LPP: variants seen among roughly 807,000 people sequenced by gnomAD.
LPP encodes the protein LIM domain containing preferred translocation partner in lipoma.
Under a neutral mutation model 60.4 loss-of-function variants are expected in LPP, and 38 were observed. The observed-to-expected ratio is 0.63, with a 90% confidence interval of 0.49 to 0.83. The LOEUF (loss-of-function observed/expected upper bound fraction) is 0.83. Ranked by LOEUF, LPP falls within the 40% of genes least tolerant of loss-of-function variation. The pLI, the probability that LPP is intolerant of heterozygous loss-of-function variation, is 0.00. For synonymous variants in LPP, 328 were observed against 290.8 expected (o/e 1.13, Z -1.30); for missense variants, 902 against 783.6 (o/e 1.15, Z -1.80).
rs200930366 is a variant in LPP at position 188,498,349 on chromosome 3, C to T, written c.306+13645C>T. Among the ~76,000 whole-genome samples, 22 of 152,228 alleles carry T rather than the reference C, an allele frequency of 1.4e-4. No individual in the cohort carries two copies. The East Asian group carries it at 2.3e-3, about 16-fold the overall frequency. ...CCTCTATACCGCTTCACCAATAACC[C>T]CCCATTCCACTCTCAGCCAGCCCCT... On this transcript the variant is annotated intron_variant, in intron 5 of 11. Transcript: ENST00000617246.
At chr3:188,800,411 AATTTTTTGTATTTTT>A (rs1746773612) in intron 9 of LPP, among the ~76,000 whole-genome samples, 1 of 151,680 alleles carries the variant, frequency 6.6e-6, no homozygotes, top group Non-Finnish European at 1.5e-5. Flanking sequence ...ACGCCCGGCT[AATTTTTTGTATTTTT>A]AGTAGAGGTG....
chr3:188,624,699 C>G (rs1358475993), intron 7 of LPP, among the ~76,000 whole-genome samples: 2 of 139,376 alleles, frequency 1.4e-5, no homozygotes, highest in Non-Finnish European at 3.1e-5. Context: ...CCCTTCCCTT[C>G]CTTCCTTTTC....
intron 2 of LPP, among the ~76,000 whole-genome samples, chr3:188,284,901 C>T (rs1743388865): frequency 6.6e-6 from 1 of 152,104 alleles, no homozygotes; most frequent in African/African-American, 2.4e-5. Context: ...AATTATTCCT[C>T]GAAGTATGAC....
chr3:188,350,208 C>A (rs1047074109), intron 3 of LPP, among the ~76,000 whole-genome samples: 9 of 152,040 alleles, frequency 5.9e-5, no homozygotes, highest in African/African-American at 2.2e-4. Context: ...AGGGAGCTGG[C>A]GGGTCTGTGG....
intron 6 of LPP, among the ~76,000 whole-genome samples, chr3:188,592,557 G>GTTTGTTTTTTTTTTTT (rs1260656926): frequency 4.2e-4 from 36 of 85,718 alleles, no homozygotes; most frequent in South Asian, 1.2e-3. Flanking sequence ...TTTTGTTTTT[G>GTTTGTTTTTTTTTTTT]TTTTTTAAAT....
At chr3:188,388,842 T>C (rs1268866247) in intron 3 of LPP, among the ~76,000 whole-genome samples, 2 of 152,206 alleles carry the variant, frequency 1.3e-5, no homozygotes, top group Non-Finnish European at 2.9e-5. Flanking sequence ...AGTAAATATT[T>C]TAGGCTTTGT....
chr3:188,303,233 A>G (rs1750492644), intron 2 of LPP, among the ~76,000 whole-genome samples: 1 of 152,172 alleles, frequency 6.6e-6, no homozygotes, highest in Non-Finnish European at 1.5e-5. Flanking sequence ...ATACATAAAT[A>G]ATTGCGTGTG....
At chr3:188,296,200 G>T (rs1747823148) in intron 2 of LPP, among the ~76,000 whole-genome samples, 1 of 152,194 alleles carries the variant, frequency 6.6e-6, no homozygotes, top group African/African-American at 2.4e-5. Flanking sequence ...GGAGGATTTG[G>T]AGATAAATGA....
intron 6 of LPP, among the ~76,000 whole-genome samples, chr3:188,530,001 C>T (rs1029346311): frequency 6.6e-6 from 1 of 152,142 alleles, no homozygotes; most frequent in Non-Finnish European, 1.5e-5. Flanking sequence ...AGTATTTGAG[C>T]TAACTTGGCT....
At chr3:188,287,650 G>T (rs116072177) in intron 2 of LPP, among the ~76,000 whole-genome samples, 2 of 152,110 alleles carry the variant, frequency 1.3e-5, no homozygotes, top group African/African-American at 4.8e-5. Flanking sequence ...AGGAAAAAAA[G>T]AAGCATTTTA....
chr3:188,250,050 C>T (rs577428395), intron 2 of LPP, among the ~76,000 whole-genome samples: 1 of 152,084 alleles, frequency 6.6e-6, no homozygotes, highest in Non-Finnish European at 1.5e-5. Flanking sequence ...ACATTTGACA[C>T]TGATTCAATA....
intron 4 of LPP, among the ~76,000 whole-genome samples, chr3:188,445,011 A>T (rs935843076): frequency 6.6e-6 from 1 of 152,186 alleles, no homozygotes; most frequent in Non-Finnish European, 1.5e-5. Flanking sequence ...GGATGTGGAG[A>T]AATAAGAATG....
At chr3:188,360,857 G>A (rs566647638) in intron 3 of LPP, among the ~76,000 whole-genome samples, 109 of 152,296 alleles carry the variant, frequency 7.2e-4, no homozygotes, top group African/African-American at 2.4e-3. Flanking sequence ...ATGGACTGGA[G>A]TTTCCTTGTC....
At chr3:188,399,534 C>CT in intron 3 of LPP, among the ~76,000 whole-genome samples, 1 of 152,280 alleles carries the variant, frequency 6.6e-6, no homozygotes, top group South Asian at 2.1e-4. Context: ...ATCTACGTCC[C>CT]TTTTCTAATA....
At chr3:188,865,647 A>G (rs1159745314) in intron 9 of LPP, among the ~76,000 whole-genome samples, 1 of 151,778 alleles carries the variant, frequency 6.6e-6, no homozygotes, top group African/African-American at 2.4e-5. Context: ...AAGGGTCAAC[A>G]AACTATGCCC....
intron 2 of LPP, among the ~76,000 whole-genome samples, chr3:188,269,901 G>A (rs1737105906): frequency 6.6e-6 from 1 of 152,112 alleles, no homozygotes; most frequent in Non-Finnish European, 1.5e-5. Context: ...ACCCACCTTG[G>A]CCTCCCAAAG....
intron 6 of LPP, among the ~76,000 whole-genome samples, chr3:188,589,920 T>C (rs1838304517): frequency 6.6e-6 from 1 of 152,244 alleles, no homozygotes; most frequent in Non-Finnish European, 1.5e-5. Flanking sequence ...CAGTTTTGCC[T>C]GATTTTTGTT....
At chr3:188,348,780 C>T (rs34144064) in intron 3 of LPP, among the ~76,000 whole-genome samples, 8 of 152,164 alleles carry the variant, frequency 5.3e-5, no homozygotes, top group Non-Finnish European at 1.0e-4. Context: ...ACATTCACTT[C>T]GGCCCTCGCC....
intron 8 of LPP, among the ~76,000 whole-genome samples, chr3:188,746,833 T>A (rs183310572): frequency 7.2e-4 from 109 of 152,304 alleles, no homozygotes; most frequent in Admixed American, 5.4e-3. Context: ...AAATAAAACA[T>A]TACCTATTGC....
Sources: gnomAD v4.1 joint callset for allele counts (sites outside exome capture counted in the v4.1 genomes callset) on GRCh38, gnomAD v4.1.1 for gene constraint, MANE v1.5 for transcripts, NCBI Gene and HGNC (gene_info 2026-07-23, HGNC 2026-07-21) for gene names.